SLAMF1: variants seen among roughly 807,000 people sequenced by gnomAD.
SLAMF1 encodes signaling lymphocytic activation molecule.
In SLAMF1, 18 loss-of-function variants were observed where a neutral mutation model predicts 35.1. The ratio of observed to expected loss-of-function variants is 0.51; its 90% CI spans 0.35 to 0.76. SLAMF1 has a LOEUF of 0.76. SLAMF1 is among the 30% of genes least tolerant of loss of function. The pLI, the probability that SLAMF1 is intolerant of heterozygous loss-of-function variation, is 0.01. For synonymous variants in SLAMF1, 168 were observed against 157.2 expected, an observed-to-expected ratio of 1.07 and a Z score of -0.51; for missense variants, 392 against 413.0, an observed-to-expected ratio of 0.95 and a Z score of 0.44.
intron 6 of SLAMF1, 141 bp from the exon 7 acceptor site, chr1:160,610,939 C>A: frequency 1.5e-6 from 1 of 679,342 alleles, no homozygotes; most frequent in Non-Finnish European, 2.6e-6. Flanking sequence ...CAGGGCCTTG[C>A]TGGGACAGCA....
At chr1:160,621,189 G>C (rs1225275071) in intron 4 of SLAMF1, among the ~76,000 whole-genome samples, 1 of 152,188 alleles carries the variant, frequency 6.6e-6, no homozygotes, top group Non-Finnish European at 1.5e-5. Flanking sequence ...GCAAAGTCCA[G>C]GCAGAGGCAA....
At chr1:160,624,930 A>G (rs1659801394) in intron 3 of SLAMF1, among the ~76,000 whole-genome samples, 2 of 152,214 alleles carry the variant, frequency 1.3e-5, no homozygotes, top group Admixed American at 6.5e-5. Flanking sequence ...GCTCAATAAG[A>G]TTATAATGAA....
chr1:160,614,538 C>G (rs532881127), intron 5 of SLAMF1, among the ~76,000 whole-genome samples: 1 of 149,420 alleles, frequency 6.7e-6, no homozygotes, highest in South Asian at 2.1e-4. Context: ...GGCGCCACAG[C>G]ACTCTAGCCT....
intron 5 of SLAMF1, 73 bp downstream of exon 5, chr1:160,619,703 C>T (rs1300429554): frequency 1.0e-6 from 1 of 973,638 alleles, no homozygotes; most frequent in African/African-American, 1.6e-5. Context: ...GAATGTCCAA[C>T]AGGCAAGGTA....
chr1:160,627,732 A>G (rs1436837570), intron 3 of SLAMF1, among the ~76,000 whole-genome samples: 2 of 152,138 alleles, frequency 1.3e-5, no homozygotes, highest in Non-Finnish European at 2.9e-5. Context: ...TAATTTCCTC[A>G]TGGTTCTCTA....
intron 1 of SLAMF1, among the ~76,000 whole-genome samples, chr1:160,643,145 C>G (rs920279026): frequency 1.3e-5 from 2 of 152,116 alleles, no homozygotes; most frequent in Non-Finnish European, 2.9e-5. Flanking sequence ...ATTATTTTCC[C>G]TACCTATAAA....
intron 2 of SLAMF1, among the ~76,000 whole-genome samples, chr1:160,635,377 G>A (rs1281889309): frequency 1.3e-5 from 2 of 152,204 alleles, no homozygotes; most frequent in Non-Finnish European, 2.9e-5. Flanking sequence ...ACGGGCGCAT[G>A]GGTGAGTGAG....
At chr1:160,619,351 A>G (rs1397682326) in intron 5 of SLAMF1, among the ~76,000 whole-genome samples, 2 of 152,096 alleles carry the variant, frequency 1.3e-5, no homozygotes, top group Non-Finnish European at 2.9e-5. Flanking sequence ...TGAAGATCCT[A>G]CCTTCCTTGT....
intron 5 of SLAMF1, among the ~76,000 whole-genome samples, chr1:160,617,004 CAAT>C (rs1570969144): frequency 6.6e-6 from 1 of 151,886 alleles, no homozygotes; most frequent in East Asian, 1.9e-4. Context: ...AAAAATACAA[CAAT>C]GAGCCAGGTG....
chr1:160,619,888 C>T lies in SLAMF1; in HGVS notation c.791-39G>A, dbSNP rs183474893. On this transcript the variant is annotated intron_variant, in intron 4 of 6. Coordinates refer to ENST00000302035, the MANE Select transcript of SLAMF1 (RefSeq NM_003037.5). Reference sequence around the variant, plus strand: ...ACCATAATGGTTATCTCCCTCTGGTCCCCAGCAGGAGCTCCTTACTCAGAC... The same window carrying T: ...ACCATAATGGTTATCTCCCTCTGGTTCCCAGCAGGAGCTCCTTACTCAGAC... 2.0e-4 allele frequency: 274 copies of T among 1,367,896 alleles called. 2 individuals carry two copies. In the Middle Eastern group the frequency reaches 3.7e-3, roughly 19 times the overall value. 84.7% of individuals were successfully genotyped at this position (1,367,896 alleles called of 1,614,324 possible).
intron 3 of SLAMF1, among the ~76,000 whole-genome samples, chr1:160,625,237 C>T (rs777703909): frequency 7.2e-5 from 11 of 152,078 alleles, no homozygotes; most frequent in African/African-American, 2.4e-4. Context: ...GTAGAATATT[C>T]GCACTAAGGT....
At position 160,610,647 on chromosome 1, in the gene SLAMF1, C is replaced by T; in HGVS notation, c.*101G>A. On this transcript the variant is annotated 3_prime_UTR_variant, in exon 7 of 7. Transcript: ENST00000302035. ...TTGATCTGAGAAGGGTACAGACGTG[C>T]AGCATGTCTGCCAGAGGAAACTTGG... 1 of 798,456 alleles carries T rather than the reference C, an allele frequency of 1.3e-6. No homozygotes were observed. The highest frequency in any genetic ancestry group is 2.2e-6 in the Non-Finnish European group (1 of 446,752). The allele number at this position is 798,456 out of a possible 1,614,324, so 49.5% of individuals were successfully genotyped here.
intron 3 of SLAMF1, among the ~76,000 whole-genome samples, chr1:160,627,432 A>C (rs1391521023): frequency 6.6e-6 from 1 of 152,196 alleles, no homozygotes; most frequent in Non-Finnish European, 1.5e-5. Context: ...GATTGGAAAG[A>C]CAAGAAAATG....
At chr1:160,623,480 T>C (rs1369026671) in intron 4 of SLAMF1, 3 of 398,502 alleles carry the variant, frequency 7.5e-6, no homozygotes, top group East Asian at 3.6e-5. Context: ...CTCAGTGTTA[T>C]GAGGATCAAG....
intron 1 of SLAMF1, among the ~76,000 whole-genome samples, chr1:160,640,350 A>ATATATATATG: frequency 7.1e-6 from 1 of 140,860 alleles, no homozygotes; most frequent in Non-Finnish European, 1.5e-5. Context: ...ATATATATAT[A>ATATATATATG]TATATATATA....
intron 5 of SLAMF1, among the ~76,000 whole-genome samples, chr1:160,617,025 G>A (rs1659336204): frequency 6.6e-6 from 1 of 152,018 alleles, no homozygotes; most frequent in African/African-American, 2.4e-5. Context: ...GTGTGGTGGT[G>A]CGTACCTGTA....
chr1:160,616,182 C>A lies in SLAMF1; in HGVS notation c.864+3594G>T, dbSNP rs532142323. Among the ~76,000 whole-genome samples the A allele has an allele frequency of 2.6e-5, 4 of 152,204 alleles. No homozygotes were observed. The South Asian group carries it at 6.2e-4, about 24-fold the overall frequency. ...TCTGAATTTTTAACAGGAGAGCGAC[C>A]AACTTTACCGTGATGTGGGTATTAG... On this transcript the variant is annotated intron_variant, in intron 5 of 6. Transcript: ENST00000302035.
rs967299301 is a variant in SLAMF1, at chr1:160,617,944, G to A, written c.864+1832C>T. Among the ~76,000 whole-genome samples the A allele has an allele frequency of 4.6e-5, 7 of 152,110 alleles. 1 individual carries two copies. Among genetic ancestry groups the A allele is most frequent in the Non-Finnish European group, 1.0e-4 (7 of 68,008 alleles). The stretch of plus-strand genomic sequence containing the variant: ...AAAAATTAGCTGGGTGTGGTGGCAG[G>A]TGCCTGTAATCTCAGCTACTTGGAA... On this transcript the variant is annotated intron_variant, in intron 5 of 6. Coordinates refer to ENST00000302035, the MANE Select transcript of SLAMF1 (RefSeq NM_003037.5).
At chr1:160,627,834 C>A (rs992331217) in intron 3 of SLAMF1, among the ~76,000 whole-genome samples, 1 of 152,054 alleles carries the variant, frequency 6.6e-6, no homozygotes, top group Non-Finnish European at 1.5e-5. Context: ...TTGGCCACGC[C>A]CCCACCCAAA....
Sources: gnomAD v4.1 joint callset for allele counts (sites outside exome capture counted in the v4.1 genomes callset) on GRCh38, gnomAD v4.1.1 for gene constraint, MANE v1.5 for transcripts, NCBI Gene and HGNC (gene_info 2026-07-23, HGNC 2026-07-21) for gene names.